Variants in NAV2 observed in about 807,000 individuals in gnomAD.
NAV2 encodes helicase, APC down-regulated 1.
A neutral mutation model predicts 223.2 loss-of-function variants in NAV2; 54 were observed. The ratio of observed to expected loss-of-function variants is 0.24; its 90% CI spans 0.19 to 0.30. The LOEUF (loss-of-function observed/expected upper bound fraction) is 0.30, where lower values mean the gene tolerates loss of function less well. Among genes scored for constraint, NAV2 ranks in the 10% least tolerant of loss-of-function variants. NAV2 has a pLI of 1.00. For synonymous variants in NAV2, 1,279 were observed against 1,239.3 expected (o/e 1.03, Z -0.67); for missense variants, 2,806 against 3,147.5 (o/e 0.89, Z 2.60).
At chr11:19,630,458 G>A (rs1473767917) in intron 1 of NAV2, among the ~76,000 whole-genome samples, 1 of 152,170 alleles carries the variant, frequency 6.6e-6, no homozygotes, top group Non-Finnish European at 1.5e-5. Context: ...AGGGTTCCAA[G>A]AAGACATGAT....
chr11:19,385,509 A>G (rs1011777396), intron 1 of NAV2, among the ~76,000 whole-genome samples: 10 of 152,300 alleles, frequency 6.6e-5, no homozygotes, highest in African/African-American at 2.4e-4. Context: ...ATTTCAAAAT[A>G]CACCTGACAA....
chr11:19,416,969 G>A (rs906611428), intron 1 of NAV2, among the ~76,000 whole-genome samples: 12 of 152,100 alleles, frequency 7.9e-5, no homozygotes, highest in African/African-American at 1.9e-4. Flanking sequence ...AGACTTAAAC[G>A]TAAGATCTAA....
chr11:20,074,386 G>C (rs192119528), intron 22 of NAV2, among the ~76,000 whole-genome samples: 2 of 152,284 alleles, frequency 1.3e-5, no homozygotes, highest in East Asian at 3.9e-4. Context: ...GTGTGATGTG[G>C]TGCTGAGAAG....
intron 1 of NAV2, among the ~76,000 whole-genome samples, chr11:19,357,792 T>C (rs967334557): frequency 3.3e-5 from 5 of 152,266 alleles, no homozygotes; most frequent in Non-Finnish European, 4.4e-5. Context: ...CTGTAATAAC[T>C]ACTTCGACTT....
At chr11:19,565,841 T>G (rs1278027677) in intron 1 of NAV2, among the ~76,000 whole-genome samples, 2 of 152,198 alleles carry the variant, frequency 1.3e-5, no homozygotes, top group Non-Finnish European at 2.9e-5. Flanking sequence ...CCTGGCTGTC[T>G]CGCCATCTAA....
At chr11:19,672,205 G>C (rs1009618323) in intron 1 of NAV2, among the ~76,000 whole-genome samples, 2 of 152,360 alleles carry the variant, frequency 1.3e-5, no homozygotes, top group Non-Finnish European at 1.5e-5. Flanking sequence ...GCAAAGTGCA[G>C]TGCACAGTCT....
At chr11:19,610,300 T>C (rs2046600578) in intron 1 of NAV2, among the ~76,000 whole-genome samples, 1 of 152,134 alleles carries the variant, frequency 6.6e-6, no homozygotes, top group Admixed American at 6.5e-5. Context: ...GCTTAAAATA[T>C]ATAAGTTAAC....
intron 1 of NAV2, among the ~76,000 whole-genome samples, chr11:19,578,375 AG>A (rs1228396889): frequency 2.0e-5 from 3 of 152,254 alleles, no homozygotes; most frequent in African/African-American, 7.2e-5. Context: ...AGGTTAAGCC[AG>A]GCAGTTGCAG....
intron 1 of NAV2, among the ~76,000 whole-genome samples, chr11:19,799,331 C>T (rs758402192): frequency 1.6e-4 from 25 of 152,010 alleles, no homozygotes; most frequent in Non-Finnish European, 3.2e-4. Flanking sequence ...GAGAGCGTTC[C>T]AGATTACAGA....
intron 1 of NAV2, among the ~76,000 whole-genome samples, chr11:19,825,291 CAAAAAAAAAAAAAAAAA>C (rs58499844): frequency 6.2e-5 from 3 of 48,206 alleles, no homozygotes; most frequent in African/African-American, 2.8e-4. Flanking sequence ...GACTCTGTCT[CAAAAAAAAAAAAAAAAA>C]AAAAAAAAAA....
At chr11:19,914,564 G>T (rs2043617760) in intron 6 of NAV2, among the ~76,000 whole-genome samples, 1 of 149,184 alleles carries the variant, frequency 6.7e-6, no homozygotes, top group African/African-American at 2.5e-5. Flanking sequence ...TTGAGACGGA[G>T]TCTCGCTCTG....
intron 1 of NAV2, among the ~76,000 whole-genome samples, chr11:19,661,928 G>A (rs1047625601): frequency 1.3e-5 from 2 of 152,160 alleles, no homozygotes; most frequent in African/African-American, 4.8e-5. Flanking sequence ...TTTGAGGTGA[G>A]GAATGATCAG....
intron 1 of NAV2, among the ~76,000 whole-genome samples, chr11:19,714,982 T>C (rs1565195199): frequency 2.6e-5 from 4 of 152,174 alleles, no homozygotes; most frequent in African/African-American, 7.2e-5. Flanking sequence ...GGGAGGTGGT[T>C]TGGGGCTGGT....
At chr11:20,032,140 G>A (rs2055826449) in intron 11 of NAV2, among the ~76,000 whole-genome samples, 1 of 152,170 alleles carries the variant, frequency 6.6e-6, no homozygotes, top group South Asian at 2.1e-4. Flanking sequence ...CAGCTGCAGG[G>A]GCAGCTTTGG....
chr11:19,909,622 T>C (rs2043148245), intron 6 of NAV2, among the ~76,000 whole-genome samples: 1 of 151,926 alleles, frequency 6.6e-6, no homozygotes, highest in Non-Finnish European at 1.5e-5. Context: ...CATCTCATGG[T>C]TTTCTGTGGT....
chr11:19,637,547 G>T (rs539343514), intron 1 of NAV2, among the ~76,000 whole-genome samples: 1 of 152,358 alleles, frequency 6.6e-6, no homozygotes, highest in South Asian at 2.1e-4. Context: ...AGTTTAATTG[G>T]CTTGCCGTTC....
In NAV2 at chr11:20,092,209, G is replaced by T; in HGVS notation, c.5656G>T (p.Glu1886Ter). ...GCTTCTCCATTACTCTTTGCAGAGT[G>T]AAATAGAGAAGCTGAAAGCTGAGAA... ...LREAMNRMQSEIEKLKAENDR... is the reference protein window; with the variant it reads ...LREAMNRMQS Residue 1886 changes from glutamate to a stop codon, truncating the protein, a stop_gained, in exon 28 of 38, where the codon GAA becomes TAA. Coordinates refer to ENST00000349880, the MANE Select transcript of NAV2 (RefSeq NM_145117.5). LOFTEE classifies it high-confidence loss of function. 1 of 1,614,186 alleles carries T rather than the reference G, an allele frequency of 6.2e-7. No homozygotes were observed. The highest frequency in any genetic ancestry group is 8.5e-7 in the Non-Finnish European group (1 of 1,179,986).
At chr11:20,088,924 C>T (rs902821714) in intron 26 of NAV2, among the ~76,000 whole-genome samples, 2 of 151,822 alleles carry the variant, frequency 1.3e-5, no homozygotes, top group African/African-American at 4.8e-5. Context: ...TCAGACTTTA[C>T]ACTCCATTTA....
At chr11:19,947,752 C>T (rs1206439935) in intron 9 of NAV2, among the ~76,000 whole-genome samples, 1 of 152,178 alleles carries the variant, frequency 6.6e-6, no homozygotes, top group Non-Finnish European at 1.5e-5. Context: ...GATTCTAGTC[C>T]ATGTAACTTG....
Sources: gnomAD v4.1 joint callset for allele counts (sites outside exome capture counted in the v4.1 genomes callset) on GRCh38, gnomAD v4.1.1 for gene constraint, MANE v1.5 for transcripts, NCBI Gene and HGNC (gene_info 2026-07-23, HGNC 2026-07-21) for gene names.